SLC2A9: variants seen among roughly 807,000 people sequenced by gnomAD.
SLC2A9 encodes solute carrier family 2, facilitated glucose transporter member 9.
Under a neutral mutation model 50.6 loss-of-function variants are expected in SLC2A9, and 39 were observed. The observed-to-expected ratio is 0.77, with a 90% CI of 0.60 to 1.01. SLC2A9 has a LOEUF of 1.01. Ranked by LOEUF, SLC2A9 falls within the 50% of genes least tolerant of loss-of-function variation. The pLI, the probability that SLC2A9 is intolerant of heterozygous loss-of-function variation, is 0.00. For synonymous variants in SLC2A9, 324 were observed against 276.9 expected (o/e 1.17, Z -1.69); for missense variants, 686 against 677.6 (o/e 1.01, Z -0.14).
At chr4:9,952,986 C>T (rs1201905218) in intron 5 of SLC2A9, among the ~76,000 whole-genome samples, 1 of 152,230 alleles carries the variant, frequency 6.6e-6, no homozygotes, top group East Asian at 1.9e-4. Flanking sequence ...ATAACTCTAA[C>T]AAGCTGTAAT....
At chr4:9,772,230 A>T (rs187421744) in intron 1 of SLC2A9, among the ~76,000 whole-genome samples, 47 of 152,290 alleles carry the variant, frequency 3.1e-4, no homozygotes, top group African/African-American at 1.0e-3. Flanking sequence ...AGCATCAAGG[A>T]CCTGAATTAG....
chr4:10,033,868 G>T (rs1053121089), intron 1 of SLC2A9, among the ~76,000 whole-genome samples: 2 of 152,216 alleles, frequency 1.3e-5, no homozygotes, highest in Non-Finnish European at 2.9e-5. Flanking sequence ...AGAACCACAT[G>T]GGCCCTGTGT....
At chr4:9,886,820 C>T (rs745317718) in intron 10 of SLC2A9, among the ~76,000 whole-genome samples, 1 of 152,202 alleles carries the variant, frequency 6.6e-6, no homozygotes, top group Admixed American at 6.5e-5. Flanking sequence ...GAGGTCCCTG[C>T]TGGACGTGGA....
chr4:9,878,514 G>A (rs923696176), intron 10 of SLC2A9, among the ~76,000 whole-genome samples: 3 of 152,074 alleles, frequency 2.0e-5, no homozygotes, highest in Non-Finnish European at 4.4e-5. Flanking sequence ...TGAAGTGCTG[G>A]GAGGCTGGTG....
chr4:9,966,100 C>T (rs74754132), intron 5 of SLC2A9, among the ~76,000 whole-genome samples: 10 of 152,190 alleles, frequency 6.6e-5, no homozygotes, highest in African/African-American at 1.2e-4. Flanking sequence ...TATCAAATAC[C>T]AAAGCCTCAT....
chr4:9,845,091 G>A (rs1347821637), intron 10 of SLC2A9, among the ~76,000 whole-genome samples: 1 of 151,916 alleles, frequency 6.6e-6, no homozygotes, highest in Non-Finnish European at 1.5e-5. Context: ...TCGGCTCACT[G>A]CAAGCTCCAC....
chr4:9,933,948 A>G (rs542286895), intron 6 of SLC2A9, among the ~76,000 whole-genome samples: 1 of 152,230 alleles, frequency 6.6e-6, no homozygotes, highest in East Asian at 1.9e-4. Flanking sequence ...TTTTCCACTT[A>G]TAAGAACCCT....
intron 3 of SLC2A9, chr4:9,782,236 C>A: frequency 6.2e-7 from 1 of 1,613,378 alleles, no homozygotes; most frequent in Non-Finnish European, 8.5e-7. Flanking sequence ...TGCGGAGCCG[C>A]CACCTGCGCG....
chr4:9,996,521 T>G (rs1040033293), intron 3 of SLC2A9, among the ~76,000 whole-genome samples: 2 of 152,146 alleles, frequency 1.3e-5, no homozygotes, highest in African/African-American at 4.8e-5. Context: ...TCTTCCCTGC[T>G]CCTCCCCCAT....
chr4:9,878,113 C>G (rs1358037303), intron 10 of SLC2A9, among the ~76,000 whole-genome samples: 1 of 151,980 alleles, frequency 6.6e-6, no homozygotes, highest in Non-Finnish European at 1.5e-5. Context: ...ACTCCCAGCC[C>G]AGGGCTGGCA....
chr4:10,022,536 C>T (rs572140142), upstream of SLC2A9, among the ~76,000 whole-genome samples: 3 of 152,298 alleles, frequency 2.0e-5, no homozygotes, highest in South Asian at 6.2e-4. Context: ...CCTCAGACGC[C>T]AGAGAAGCAC....
chr4:10,008,969 G>A (rs1469957708), intron 2 of SLC2A9, among the ~76,000 whole-genome samples: 3 of 142,674 alleles, frequency 2.1e-5, no homozygotes, highest in Non-Finnish European at 4.5e-5. Flanking sequence ...TGAGACAAAA[G>A]CAAGAGTAAA....
intron 5 of SLC2A9, among the ~76,000 whole-genome samples, chr4:9,951,899 A>G (rs1750345012): frequency 6.6e-6 from 1 of 152,256 alleles, no homozygotes; most frequent in South Asian, 2.1e-4. Flanking sequence ...GCAGAATTAG[A>G]GTAGGTATCA....
chr4:9,967,986 A>G (rs1172295904), intron 5 of SLC2A9, among the ~76,000 whole-genome samples: 2 of 152,170 alleles, frequency 1.3e-5, no homozygotes, highest in African/African-American at 4.8e-5. Flanking sequence ...GAGTTTTGAT[A>G]TTAAAAATAC....
At chr4:9,998,167 A>G (rs1263491154) in intron 2 of SLC2A9, among the ~76,000 whole-genome samples, 4 of 152,206 alleles carry the variant, frequency 2.6e-5, no homozygotes, top group Non-Finnish European at 5.9e-5. Flanking sequence ...GATGTACACC[A>G]AAGACTGAGG....
At chr4:9,841,950 G>A (rs573753341) in intron 10 of SLC2A9, among the ~76,000 whole-genome samples, 1 of 152,156 alleles carries the variant, frequency 6.6e-6, no homozygotes, top group Non-Finnish European at 1.5e-5. Context: ...AGTTCTTAGG[G>A]TTCATAAAAT....
intron 5 of SLC2A9, among the ~76,000 whole-genome samples, chr4:9,949,494 T>C (rs1749809241): frequency 6.6e-6 from 1 of 152,206 alleles, no homozygotes; most frequent in South Asian, 2.1e-4. Context: ...TTCTAGTCCA[T>C]AGAAGAGAAA....
chr4:9,799,692 ACCCC>A (rs57223650), intron 3 of SLC2A9, among the ~76,000 whole-genome samples: 1 of 69,810 alleles, frequency 1.4e-5, no homozygotes, highest in East Asian at 4.8e-4. Flanking sequence ...TTCCAATTGT[ACCCC>A]CCCCCCACCC....
intron 6 of SLC2A9, among the ~76,000 whole-genome samples, chr4:9,923,330 C>A (rs1050460224): frequency 7.9e-5 from 12 of 152,172 alleles, no homozygotes; most frequent in Admixed American, 3.9e-4. Flanking sequence ...TTTAGGTGCA[C>A]AGGTGCATAC....
Sources: gnomAD v4.1 joint callset for allele counts (sites outside exome capture counted in the v4.1 genomes callset) on GRCh38, gnomAD v4.1.1 for gene constraint, MANE v1.5 for transcripts, NCBI Gene and HGNC (gene_info 2026-07-23, HGNC 2026-07-21) for gene names.